The following MAP2 variants were observed in gnomAD, a reference collection of about 807,000 sequenced individuals.
The protein encoded by MAP2 is microtubule associated protein 2.
MAP2 carries 14 observed loss-of-function variants against 137.6 expected under a neutral mutation model. The ratio of observed to expected loss-of-function variants is 0.10; its 90% confidence interval spans 0.07 to 0.16. The LOEUF is 0.16. Ranked by LOEUF, MAP2 falls within the 10% of genes least tolerant of loss-of-function variation. The probability of loss-of-function intolerance (pLI) is 1.00; values close to 1 mark genes in which losing one functional copy is unlikely to be tolerated. For missense variants in MAP2, 2,088 were observed against 2,191.5 expected (o/e 0.95, Z 0.94); for synonymous variants, 786 against 782.3 (o/e 1.00, Z -0.08).
chr2:209,639,298 T>C (rs2093820263), intron 4 of MAP2, among the ~76,000 whole-genome samples: 1 of 152,204 alleles, frequency 6.6e-6, no homozygotes, highest in Admixed American at 6.6e-5. Flanking sequence ...TATCATTCTT[T>C]TCAAAACATA....
chr2:209,505,504 A>G (rs1314140195), intron 1 of MAP2, among the ~76,000 whole-genome samples: 1 of 152,136 alleles, frequency 6.6e-6, no homozygotes, highest in Admixed American at 6.5e-5. Flanking sequence ...ATTTTCATGC[A>G]GTATTTGCTT....
rs200010488 is a variant in MAP2, at chr2:209,695,570, A to G, written c.3400A>G (p.Ser1134Gly). The part of the protein sequence containing the change: ...AVDKEESYES[S>G]GEHESLTMES... ...AGACAAGGAGGAGTCCTATGAATCTAGTGGTGAGCATGAAAGTCTCACCAT... is the reference window on the plus strand; with the variant it reads ...AGACAAGGAGGAGTCCTATGAATCTGGTGGTGAGCATGAAAGTCTCACCAT... The change falls in exon 8 of 16, where the codon AGT (serine) becomes GGT (glycine). Residue 1134 changes from serine to glycine, a missense_variant. Coordinates refer to ENST00000682079, the MANE Select transcript of MAP2 (RefSeq NM_001375505.1). 27 of 1,613,952 alleles carry G rather than the reference A, an allele frequency of 1.7e-5. No individual in the cohort carries two copies. The highest frequency in any genetic ancestry group is 2.3e-5 in the Non-Finnish European group (27 of 1,179,978).
chr2:209,548,827 G>T (rs1391380117), intron 2 of MAP2, among the ~76,000 whole-genome samples: 1 of 152,080 alleles, frequency 6.6e-6, no homozygotes, highest in Admixed American at 6.5e-5. Flanking sequence ...CTGTCTTGTT[G>T]AAGAGGTGCT....
At position 209,719,455 on chromosome 2, in the gene MAP2, T is replaced by A. The variant is rs2153797265; in HGVS notation, c.5074-6254T>A. On this transcript the variant is annotated intron_variant, in intron 13 of 15. Transcript: ENST00000682079. ...TGAATGCCTCCAACTTACAAATTGT[T>A]TTACTAAAAATTGTACATTAAGAAT... Among the ~76,000 whole-genome samples the A allele has an allele frequency of 2.0e-5, 3 of 152,348 alleles. No individual in the cohort carries two copies. In the South Asian group the frequency reaches 6.2e-4, roughly 32 times the overall value.
intron 2 of MAP2, among the ~76,000 whole-genome samples, chr2:209,528,798 A>C (rs531939319): frequency 1.4e-5 from 2 of 148,080 alleles, no homozygotes; most frequent in Middle Eastern, 3.5e-3. Flanking sequence ...ATATATGTAC[A>C]TGTACATATG....
At chr2:209,663,176 T>G (rs2044511057) in intron 5 of MAP2, among the ~76,000 whole-genome samples, 1 of 152,124 alleles carries the variant, frequency 6.6e-6, no homozygotes, top group Non-Finnish European at 1.5e-5. Context: ...TCTTTCTACT[T>G]CAGTGTGTCA....
intron 2 of MAP2, among the ~76,000 whole-genome samples, chr2:209,562,781 T>G (rs2072477417): frequency 6.6e-6 from 1 of 151,986 alleles, no homozygotes; most frequent in East Asian, 1.9e-4. Context: ...CCAGCGGTGA[T>G]TGCACACCAG....
rs537048878 is a variant in MAP2, at chr2:209,720,281, GA to G, written c.5074-5421del. 2.8e-3 allele frequency among the ~76,000 whole-genome samples: 427 copies of G among 151,814 alleles called. 7 individuals carry two copies. Among genetic ancestry groups the G allele is most frequent in the Non-Finnish European group, 1.4e-3 (98 of 67,894 alleles). ...TTTCACTTCTACTATGAATTATGTA[GA>G]AAAAAAGATTGTCACACTCTTTCAA... On this transcript the variant is annotated intron_variant, in intron 13 of 15. Transcript: ENST00000682079.
chr2:209,670,280 T>C (rs1305545100), intron 5 of MAP2, among the ~76,000 whole-genome samples: 1 of 151,962 alleles, frequency 6.6e-6, no homozygotes, highest in Non-Finnish European at 1.5e-5. Context: ...CATTACTCCA[T>C]TGGACACCCC....
intron 7 of MAP2, chr2:209,690,998 T>A (rs1559565425): frequency 1.3e-6 from 1 of 779,206 alleles, no homozygotes; most frequent in Non-Finnish European, 1.7e-6. Context: ...GTGCAGAGAG[T>A]GTGGCTTGCG....
chr2:209,623,438 T>C (rs576446819), intron 3 of MAP2, among the ~76,000 whole-genome samples: 1 of 152,312 alleles, frequency 6.6e-6, no homozygotes, highest in East Asian at 1.9e-4. Context: ...ATGTGCTTAC[T>C]TAAAAATCAT....
chr2:209,427,426 A>T (rs558889182), intron 1 of MAP2, among the ~76,000 whole-genome samples: 1 of 152,264 alleles, frequency 6.6e-6, no homozygotes, highest in Non-Finnish European at 1.5e-5. Flanking sequence ...CAGATATATC[A>T]AGTGTTTTTG....
At chr2:209,646,536 G>A (rs2094434086) in intron 4 of MAP2, among the ~76,000 whole-genome samples, 1 of 152,190 alleles carries the variant, frequency 6.6e-6, no homozygotes, top group Non-Finnish European at 1.5e-5. Context: ...AAATCCTAAT[G>A]CAGTAGAAAT....
At chr2:209,631,955 A>G (rs2093104540) in intron 4 of MAP2, among the ~76,000 whole-genome samples, 2 of 152,158 alleles carry the variant, frequency 1.3e-5, no homozygotes, top group South Asian at 2.1e-4. Flanking sequence ...TGGAGATGCT[A>G]TAAAACCTAA....
chr2:209,482,022 C>CT (rs1553553768), intron 1 of MAP2, among the ~76,000 whole-genome samples: 3 of 151,518 alleles, frequency 2.0e-5, no homozygotes, highest in Admixed American at 2.0e-4. Flanking sequence ...CGTGGAACTT[C>CT]TTTTTTTTTA....
In MAP2 at chr2:209,518,949, T is replaced by C. The variant is rs186369159; in HGVS notation, c.-172+11308T>C. ...TAGTAAAATTAACTACTTTATCTCCTTATTTAAATTTCAGATGGGAAATTT... is the reference window on the plus strand; with the variant it reads ...TAGTAAAATTAACTACTTTATCTCCCTATTTAAATTTCAGATGGGAAATTT... On this transcript the variant is annotated intron_variant, in intron 2 of 15. Transcript: ENST00000682079. 1.6e-3 allele frequency among the ~76,000 whole-genome samples: 241 copies of C among 152,214 alleles called. 2 individuals are homozygous for C. The highest frequency in any genetic ancestry group is 5.5e-3 in the African/African-American group (229 of 41,590).
chr2:209,506,893 G>T lies in MAP2; in HGVS notation c.-221-699G>T, dbSNP rs145831015. Among the ~76,000 whole-genome samples, 357 of 152,244 alleles carry T rather than the reference G, an allele frequency of 2.3e-3. 1 individual carries two copies. The highest frequency in any genetic ancestry group is 8.1e-3 in the African/African-American group (338 of 41,570). ...GCAGACTGTTCTAACAAACATAAAA[G>T]AACAGAAATTTATTTTTCCCAGTTC... On this transcript the variant is annotated intron_variant, in intron 1 of 15. Coordinates refer to ENST00000682079, the MANE Select transcript of MAP2 (RefSeq NM_001375505.1).
At chr2:209,572,396 C>T (rs1236655459) in intron 2 of MAP2, among the ~76,000 whole-genome samples, 1 of 151,984 alleles carries the variant, frequency 6.6e-6, no homozygotes, top group Non-Finnish European at 1.5e-5. Flanking sequence ...AGTGGAGATA[C>T]TAAATATTTT....
At chr2:209,715,941 C>G (rs572391751) in intron 13 of MAP2, among the ~76,000 whole-genome samples, 134 of 152,338 alleles carry the variant, frequency 8.8e-4, no homozygotes, top group Non-Finnish European at 1.4e-3. Flanking sequence ...CTCACTTTCT[C>G]TCATCCCATA....
Sources: allele counts gnomAD v4.1 joint callset (sites outside exome capture counted in the v4.1 genomes callset), GRCh38; gene constraint gnomAD v4.1.1; transcripts MANE v1.5; gene names NCBI Gene and HGNC (gene_info 2026-07-23, HGNC 2026-07-21).